SLC13A1: variants seen among roughly 807,000 people sequenced by gnomAD.
SLC13A1 encodes the protein Na(+)/sulfate cotransporter.
SLC13A1 carries 65 observed loss-of-function variants against 70.0 expected under a neutral mutation model. The observed-to-expected ratio is 0.93, with a 90% CI of 0.76 to 1.14. The LOEUF (loss-of-function observed/expected upper bound fraction) is 1.14, where lower values mean the gene tolerates loss of function less well. Ranked by LOEUF, SLC13A1 falls within the 50% of genes most tolerant of loss-of-function variation. The pLI is 0.00. For synonymous variants in SLC13A1, 275 were observed against 250.5 expected (o/e 1.10, Z -0.92); for missense variants, 726 against 717.8 (o/e 1.01, Z -0.13).
At chr7:123,182,715 G>A (rs765550848) in intron 1 of SLC13A1, among the ~76,000 whole-genome samples, 6 of 152,026 alleles carry the variant, frequency 3.9e-5, no homozygotes, top group Non-Finnish European at 8.8e-5. Context: ...ATGTCAACAT[G>A]GGCCTTTGGG....
intron 6 of SLC13A1, among the ~76,000 whole-genome samples, chr7:123,147,570 GA>G (rs934380805): frequency 1.3e-5 from 2 of 150,962 alleles, no homozygotes; most frequent in African/African-American, 4.9e-5. Context: ...CTCTGCTATG[GA>G]AAAAGCCACA....
intron 10 of SLC13A1, among the ~76,000 whole-genome samples, chr7:123,127,838 ATTTTTTTT>A (rs201644707): frequency 1.1e-3 from 122 of 106,778 alleles, no homozygotes; most frequent in East Asian, 7.9e-3. Context: ...CCAAAATACA[ATTTTTTTT>A]TTTTTTTTTT....
intron 3 of SLC13A1, among the ~76,000 whole-genome samples, 186 bp downstream of exon 3, chr7:123,171,582 G>T (rs904917109): frequency 2.7e-5 from 4 of 150,816 alleles, no homozygotes; most frequent in Non-Finnish European, 4.4e-5. Flanking sequence ...AGTGAAAGTT[G>T]TTTTTTTTTC....
chr7:123,145,201 G>A (rs1273997712), intron 7 of SLC13A1, among the ~76,000 whole-genome samples: 1 of 152,096 alleles, frequency 6.6e-6, no homozygotes, highest in Non-Finnish European at 1.5e-5. Context: ...GTGCATTATG[G>A]CATTTAATTA....
chr7:123,180,270 A>G (rs911253151), intron 2 of SLC13A1, among the ~76,000 whole-genome samples: 1 of 152,170 alleles, frequency 6.6e-6, no homozygotes, highest in Non-Finnish European at 1.5e-5. Flanking sequence ...GGTAAGCCTC[A>G]AGAGAGCAAT....
chr7:123,124,178 G>GGA (rs1416783151), intron 11 of SLC13A1, among the ~76,000 whole-genome samples: 1 of 152,110 alleles, frequency 6.6e-6, no homozygotes, highest in Non-Finnish European at 1.5e-5. Context: ...AAGAATGAGG[G>GGA]GAGAGAGAAA....
intron 6 of SLC13A1, among the ~76,000 whole-genome samples, chr7:123,167,441 A>T (rs1795113302): frequency 6.6e-6 from 1 of 152,158 alleles, no homozygotes; most frequent in South Asian, 2.1e-4. Context: ...CTTTCCTAGA[A>T]GATTTCTGTA....
At chr7:123,146,289 C>T (rs1374474355) in intron 7 of SLC13A1, among the ~76,000 whole-genome samples, 1 of 152,096 alleles carries the variant, frequency 6.6e-6, no homozygotes, top group African/African-American at 2.4e-5. Context: ...CTTTGGGAGG[C>T]CAAGGCAGGT....
At chr7:123,139,175 C>T (rs1199591777) in intron 7 of SLC13A1, among the ~76,000 whole-genome samples, 1 of 152,046 alleles carries the variant, frequency 6.6e-6, no homozygotes, top group Admixed American at 6.6e-5. Flanking sequence ...AAAAGACTGC[C>T]TTTCCCCAGT....
At chr7:123,169,971 A>G (rs1388288582) in intron 3 of SLC13A1, among the ~76,000 whole-genome samples, 2 of 152,156 alleles carry the variant, frequency 1.3e-5, no homozygotes, top group East Asian at 1.9e-4. Flanking sequence ...ATCCTTTCCT[A>G]TTGTCAAGAT....
Position 123,168,384 on chromosome 7 carries a change from T to C in SLC13A1, c.650A>G (p.Glu217Gly), listed in dbSNP as rs1795140276. The change falls in exon 6 of 15, where the codon GAG (glutamate) becomes GGG (glycine). Residue 217 changes from glutamate (E) to glycine (G), a missense_variant. By Grantham distance (98) the Glu-to-Gly change is moderately conservative. Coordinates refer to ENST00000194130, the MANE Select transcript of SLC13A1 (RefSeq NM_022444.4). The stretch of plus-strand genomic sequence containing the variant: ...ATCAAATTTATGTACCTTTTCCAAC[T>C]CCACCTTGCTTGAAATTTTCCCTGT... The part of the protein sequence containing the change: ...NDTGKISSKV[E>G]LEKNSGMRTK... 1.9e-6 allele frequency: 3 copies of C among 1,579,260 alleles called. No individual in the cohort carries two copies. Among genetic ancestry groups the C allele is most frequent in the African/African-American group, 1.3e-5 (1 of 74,178 alleles).
intron 12 of SLC13A1, among the ~76,000 whole-genome samples, chr7:123,120,253 C>T (rs1002119041): frequency 6.6e-6 from 1 of 152,024 alleles, no homozygotes; most frequent in Non-Finnish European, 1.5e-5. Flanking sequence ...GGAGCACTTC[C>T]TTCTATAACT....
At chr7:123,193,143 C>A (rs1796055607) in intron 1 of SLC13A1, among the ~76,000 whole-genome samples, 1 of 152,120 alleles carries the variant, frequency 6.6e-6, no homozygotes, top group African/African-American at 2.4e-5. Context: ...AAATGCAATC[C>A]ATGAACTACC....
At position 123,127,034 on chromosome 7, in the gene SLC13A1, A is replaced by G. The variant is rs182364347; in HGVS notation, c.1134-1359T>C. On this transcript the variant is annotated intron_variant, in intron 10 of 14. Coordinates refer to ENST00000194130, the MANE Select transcript of SLC13A1 (RefSeq NM_022444.4). The stretch of plus-strand genomic sequence containing the variant: ...CATTAAATTAAATCAAGGCATAAAT[A>G]CTGAAATAATTTCTTTTCAAAGTAC... Among the ~76,000 whole-genome samples the G allele has an allele frequency of 1.8e-3, 271 of 152,280 alleles. 1 individual carries two copies. The highest frequency in any genetic ancestry group is 6.0e-3 in the African/African-American group (248 of 41,578).
chr7:123,117,193 G>A lies in SLC13A1; in HGVS notation c.1650+278C>T, dbSNP rs147488274. On this transcript the variant is annotated intron_variant, in intron 14 of 14. Coordinates refer to ENST00000194130, the MANE Select transcript of SLC13A1 (RefSeq NM_022444.4). Reference sequence around the variant, plus strand: ...TGTTGACTTGTAGGTTTATGCTGTCGTGTGGAGCATGTTCAGTGCTCTTTT... The same window carrying A: ...TGTTGACTTGTAGGTTTATGCTGTCATGTGGAGCATGTTCAGTGCTCTTTT... Among the ~76,000 whole-genome samples, 519 of 152,198 alleles carry A rather than the reference G, an allele frequency of 3.4e-3. 1 individual carries two copies. Among genetic ancestry groups the A allele is most frequent in the Non-Finnish European group, 6.3e-3 (425 of 67,984 alleles).
At position 123,125,582 on chromosome 7, in the gene SLC13A1, A is replaced by G; in HGVS notation, c.1227T>C (p.Pro409=). The part of the protein sequence containing the change: ...IPAKTLTKTT[P]TGEIVAFDYS... ...ATGATACTCAACCAATTTCTCCTGT[A>G]GGTGTAGTTTTAGTCAGTGTCTTAG... The change falls in exon 11 of 15, where the codon CCT becomes CCC. Residue 409 remains proline, a synonymous_variant. Transcript: ENST00000194130. 1.2e-6 allele frequency: 2 copies of G among 1,606,224 alleles called. No individual in the cohort carries two copies. The highest frequency in any genetic ancestry group is 8.5e-7 in the Non-Finnish European group (1 of 1,175,280).
At chr7:123,185,353 G>T (rs1795764678) in intron 1 of SLC13A1, among the ~76,000 whole-genome samples, 1 of 152,010 alleles carries the variant, frequency 6.6e-6, no homozygotes, top group African/African-American at 2.4e-5. Flanking sequence ...AAAACTCATT[G>T]TCTAGGTCAA....
At chr7:123,145,464 G>A (rs1300942004) in intron 7 of SLC13A1, among the ~76,000 whole-genome samples, 1 of 152,164 alleles carries the variant, frequency 6.6e-6, no homozygotes, top group African/African-American at 2.4e-5. Context: ...CAACAAAGAT[G>A]AAGCATAAGA....
chr7:123,132,300 A>T (rs1044178073), intron 8 of SLC13A1, among the ~76,000 whole-genome samples: 4 of 152,214 alleles, frequency 2.6e-5, no homozygotes, highest in Non-Finnish European at 5.9e-5. Flanking sequence ...GGAGAATGTC[A>T]GTCCTCGTAT....
Sources: gnomAD v4.1 joint callset for allele counts (sites outside exome capture counted in the v4.1 genomes callset) on GRCh38, gnomAD v4.1.1 for gene constraint, MANE v1.5 for transcripts, NCBI Gene and HGNC (gene_info 2026-07-23, HGNC 2026-07-21) for gene names.